The following LYST variants were observed in gnomAD, a reference collection of about 807,000 sequenced individuals.
The protein encoded by LYST is lysosomal trafficking regulator.
A neutral mutation model predicts 413.6 loss-of-function variants in LYST; 192 were observed. The observed-to-expected ratio is 0.46, with a 90% confidence interval of 0.41 to 0.52. LYST has a LOEUF of 0.52. Ranked by LOEUF, LYST falls within the 20% of genes least tolerant of loss-of-function variation. The pLI, the probability that LYST is intolerant of heterozygous loss-of-function variation, is 0.00. For missense variants in LYST, 3,815 were observed against 4,499.9 expected (o/e 0.85, Z 4.35); for synonymous variants, 1,525 against 1,567.3 (o/e 0.97, Z 0.64).
At chr1:235,830,116 G>C (rs1392585425) in intron 3 of LYST, 110 bp downstream of exon 3, 1 of 780,566 alleles carries the variant, frequency 1.3e-6, no homozygotes, top group African/African-American at 1.7e-5. Context: ...TAATGTGAAA[G>C]ACTGGACTTT....
At chr1:235,745,628 C>T (rs1049453828) in intron 29 of LYST, among the ~76,000 whole-genome samples, 1 of 152,106 alleles carries the variant, frequency 6.6e-6, no homozygotes, top group Non-Finnish European at 1.5e-5. Context: ...TAAATGCTTA[C>T]AGAAGCTTTA....
chr1:235,708,992 G>T, intron 44 of LYST, 99 bp downstream of exon 44: 2 of 1,042,920 alleles, frequency 1.9e-6, no homozygotes, highest in Non-Finnish European at 1.5e-6. Flanking sequence ...AATTCTCTTT[G>T]ATAACTTGAG....
chr1:235,846,842 G>A (rs951472244), intron 1 of LYST, among the ~76,000 whole-genome samples: 4 of 151,922 alleles, frequency 2.6e-5, no homozygotes, highest in African/African-American at 4.8e-5. Flanking sequence ...AAAAGAATAC[G>A]AAAATATGAA....
At chr1:235,744,307 A>C in intron 29 of LYST, 150 bp from the exon 30 acceptor site, 3 of 597,936 alleles carry the variant, frequency 5.0e-6, no homozygotes, top group Non-Finnish European at 6.0e-6. Flanking sequence ...GATGTAATAG[A>C]TACAATGTAG....
intron 14 of LYST, among the ~76,000 whole-genome samples, chr1:235,786,598 A>G (rs1037234760): frequency 6.6e-6 from 1 of 152,290 alleles, no homozygotes; most frequent in Admixed American, 6.5e-5. Context: ...ACACATGCAC[A>G]TGTATGTTTA....
intron 3 of LYST, chr1:235,828,278 G>T (rs543240736): frequency 5.2e-6 from 2 of 383,124 alleles, no homozygotes; most frequent in African/African-American, 4.4e-5. Context: ...GAATGGAAGG[G>T]ATAGGGGAAC....
chr1:235,738,739 AC>A (rs1197070305), intron 31 of LYST: 19 of 1,445,986 alleles, frequency 1.3e-5, no homozygotes, highest in Non-Finnish European at 1.8e-5. Context: ...CTCAAAGGCT[AC>A]ACATCCTGGG....
At chr1:235,683,096 G>C (rs1659947388) in intron 48 of LYST, among the ~76,000 whole-genome samples, 1 of 152,194 alleles carries the variant, frequency 6.6e-6, no homozygotes, top group African/African-American at 2.4e-5. Context: ...ATGAGTAACA[G>C]TTATGGGTAA....
At chr1:235,812,699 C>T (rs74439184) in intron 4 of LYST, among the ~76,000 whole-genome samples, 1 of 152,180 alleles carries the variant, frequency 6.6e-6, no homozygotes, top group South Asian at 2.1e-4. Context: ...TTATGCTGCA[C>T]ACCTAGACTC....
At chr1:235,711,358 A>G (rs1662389600) in intron 43 of LYST, among the ~76,000 whole-genome samples, 2 of 152,208 alleles carry the variant, frequency 1.3e-5, no homozygotes, top group African/African-American at 4.8e-5. Context: ...TCTACTGATG[A>G]TTCAATAATC....
At chr1:235,711,968 G>A in intron 43 of LYST, 89 bp downstream of exon 43, 1 of 1,023,084 alleles carries the variant, frequency 9.8e-7, no homozygotes, top group Non-Finnish European at 1.4e-6. Flanking sequence ...AAATTTTTAG[G>A]ACTTAAAAAA....
In LYST at chr1:235,693,636, T is replaced by G. The variant is rs982193701; in HGVS notation, c.10565-150A>C. The G allele has an allele frequency of 2.3e-4, 191 of 812,942 alleles. 1 individual carries two copies. The highest frequency in any genetic ancestry group is 2.5e-4 in the Non-Finnish European group (128 of 511,388). The allele number at this position is 812,942 out of a possible 1,614,324, so 50.4% of individuals were successfully genotyped here. A position where few individuals can be genotyped will look rare whatever the true frequency, so the allele number is the denominator to read the frequency against. ...CTTTAAATCTCTAAAATGGAACAAT[T>G]TTTTAGTTTTATTCCTTTAATGCTA... is the stretch of plus-strand genomic sequence containing the variant. On this transcript the variant is annotated intron_variant, in intron 46 of 52. Coordinates refer to ENST00000389793, the MANE Select transcript of LYST (RefSeq NM_000081.4).
At position 235,829,244 on chromosome 1, in the gene LYST, T is replaced by A. The variant is rs1028209993; in HGVS notation, c.192+982A>T. Among the ~76,000 whole-genome samples, 125 of 152,212 alleles carry A rather than the reference T, an allele frequency of 8.2e-4. 1 individual carries two copies. The highest frequency in any genetic ancestry group is 2.9e-3 in the African/African-American group (120 of 41,458). ...ACCTACAAATGTCCTGAAAATTCCA[T>A]GACAAGTAAATGCTTCCTAATTTGT... On this transcript the variant is annotated intron_variant, in intron 3 of 52. Coordinates refer to ENST00000389793, the MANE Select transcript of LYST (RefSeq NM_000081.4).
At chr1:235,737,912 G>T in intron 31 of LYST, 1 of 1,157,026 alleles carries the variant, frequency 8.6e-7, no homozygotes, top group Non-Finnish European at 1.1e-6. Flanking sequence ...AGCCGCTGCC[G>T]ACGAGTCTGG....
chr1:235,719,190 G>A (rs1395518110), intron 40 of LYST, among the ~76,000 whole-genome samples: 1 of 152,026 alleles, frequency 6.6e-6, no homozygotes. Context: ...GGCAAATTTT[G>A]TATTTTTAAT....
chr1:235,811,946 A>C (rs12758243), intron 4 of LYST, among the ~76,000 whole-genome samples: 1 of 152,130 alleles, frequency 6.6e-6, no homozygotes, highest in Admixed American at 6.5e-5. Context: ...AAAACCTTAG[A>C]TACCTCCTTA....
At chr1:235,843,031 G>T (rs1216053122) in intron 1 of LYST, among the ~76,000 whole-genome samples, 2 of 151,950 alleles carry the variant, frequency 1.3e-5, no homozygotes, top group Non-Finnish European at 2.9e-5. Flanking sequence ...ATTTTTAGAT[G>T]CCTTGTCATG....
At chr1:235,878,428 C>CA (rs141041013) in intron 1 of LYST, among the ~76,000 whole-genome samples, 246 of 152,266 alleles carry the variant, frequency 1.6e-3, no homozygotes, top group African/African-American at 5.6e-3. Flanking sequence ...TCCCTGATTC[C>CA]ACCCCCTTGG....
chr1:235,751,333 G>A lies in LYST; in HGVS notation c.7657C>T (p.Leu2553Phe). 1 of 1,613,656 alleles carries A rather than the reference G, an allele frequency of 6.2e-7. No homozygotes were observed. Among genetic ancestry groups the A allele is most frequent in the South Asian group, 1.1e-5 (1 of 91,066 alleles). Reference sequence around the variant, plus strand: ...CTTATAAATTCCATAGCAGCCTGGAGAACTCTAAGCTGTAGTGCAACAGCC... The same window carrying A: ...CTTATAAATTCCATAGCAGCCTGGAAAACTCTAAGCTGTAGTGCAACAGCC... The part of the protein sequence containing the change: ...NMAVALQLRV[L>F]QAAMEFIRTT... The change falls in exon 28 of 53, where the codon CTC becomes TTC. Residue 2553 changes from leucine (L) to phenylalanine (F), a missense_variant. Around this residue, in one of 4 missense-constraint regions of LYST, gnomAD observed 771 missense variants for 837.1 expected, o/e 0.92. Transcript: ENST00000389793.
Sources: allele counts gnomAD v4.1 joint callset (sites outside exome capture counted in the v4.1 genomes callset), GRCh38; gene constraint gnomAD v4.1.1; regional missense constraint gnomAD v4.1.1; transcripts MANE v1.5; gene names NCBI Gene and HGNC (gene_info 2026-07-23, HGNC 2026-07-21).